Variants in POSTN observed in about 807,000 individuals in gnomAD.
POSTN encodes osteoblast specific factor 2 (fasciclin I-like).
Under a neutral mutation model 104.5 loss-of-function variants are expected in POSTN, and 71 were observed. The observed-to-expected ratio is 0.68, with a 90% confidence interval of 0.56 to 0.83. The LOEUF is 0.83. Among genes scored for constraint, POSTN ranks in the 40% least tolerant of loss-of-function variants. The pLI is 0.00. For synonymous variants in POSTN, 355 were observed against 340.7 expected, an observed-to-expected ratio of 1.04 and a Z score of -0.46; for missense variants, 949 against 1,006.8, an observed-to-expected ratio of 0.94 and a Z score of 0.78.
In POSTN at chr13:37,580,044, C is replaced by G. The variant is rs151268203; in HGVS notation, c.1530-53G>C. 16 of 1,525,102 alleles carry G rather than the reference C, an allele frequency of 1.0e-5. No individual in the cohort carries two copies. In the African/African-American group the frequency reaches 2.1e-4, roughly 20 times the overall value. The allele number at this position is 1,525,102 out of a possible 1,614,324, so 94.5% of individuals were successfully genotyped here. On this transcript the variant is annotated intron_variant, in intron 11 of 22. Transcript: ENST00000379747. ...TGTCAGATTTAGATTTAGGTATGTT[C>G]ACCTACAGTGCATGTAATAGAATAG...
In POSTN at chr13:37,586,845, A is replaced by T; in HGVS notation, c.690T>A (p.Leu230=). The change falls in exon 6 of 23, where the codon CTT becomes CTA. Residue 230 remains leucine (L), a synonymous_variant. Transcript: ENST00000379747. ...CTTGAATTGAGGTACCAATTTGTGT[A>T]AGCACACGGTCAATGACATGGACAA... The part of the protein sequence containing the change: ...NGVVHVIDRV[L]TQIGTSIQDF... 6.2e-7 allele frequency: 1 copy of T among 1,613,112 alleles called. No individual in the cohort carries two copies.
chr13:37,571,294 AAT>A, intron 18 of POSTN, 73 bp downstream of exon 18: 1 of 961,818 alleles, frequency 1.0e-6, no homozygotes, highest in South Asian at 1.6e-5. Flanking sequence ...TCAGATGTTC[AAT>A]ATTTCTAAAC....
At chr13:37,597,142 G>GT in intron 2 of POSTN, 42 bp downstream of exon 2, 1 of 1,351,096 alleles carries the variant, frequency 7.4e-7, no homozygotes, top group Non-Finnish European at 1.0e-6. Flanking sequence ...TCATGATGTT[G>GT]TTTTTGGAAC....
intron 18 of POSTN, 105 bp from the exon 19 acceptor site, chr13:37,570,774 C>A: frequency 1.4e-6 from 1 of 727,942 alleles, no homozygotes; most frequent in Admixed American, 2.4e-5. Context: ...CAAATATTAC[C>A]ATTTAAGATT....
At chr13:37,568,009 GA>G (rs397770497) in intron 21 of POSTN, among the ~76,000 whole-genome samples, 19 of 149,776 alleles carry the variant, frequency 1.3e-4, no homozygotes, top group Admixed American at 7.3e-4. Context: ...AGGACTGAAA[GA>G]AAAAAAAAAG....
intron 2 of POSTN, among the ~76,000 whole-genome samples, chr13:37,596,264 A>G (rs1480815396): frequency 2.0e-5 from 3 of 152,022 alleles, no homozygotes; most frequent in Non-Finnish European, 4.4e-5. Context: ...GTGGACTTCA[A>G]ATTAATAGGA....
At chr13:37,591,102 G>T (rs1950918203) in intron 3 of POSTN, among the ~76,000 whole-genome samples, 1 of 151,968 alleles carries the variant, frequency 6.6e-6, no homozygotes, top group Non-Finnish European at 1.5e-5. Context: ...AGAATCAATG[G>T]TTATTAAATT....
In POSTN at chr13:37,587,093, C is replaced by T. The variant is rs186000107; in HGVS notation, c.607-165G>A. 1.7e-3 allele frequency among the ~76,000 whole-genome samples: 259 copies of T among 152,038 alleles called. 1 individual carries two copies. Among genetic ancestry groups the T allele is most frequent in the Non-Finnish European group, 3.0e-3 (203 of 67,982 alleles). On this transcript the variant is annotated intron_variant, in intron 5 of 22. Coordinates refer to ENST00000379747, the MANE Select transcript of POSTN (RefSeq NM_006475.3). Reference sequence around the variant, plus strand: ...GATGAAGATTTACATGTTGTTATATCTAAAAAAGAAACTGTAAGAGAAAAG... The same window carrying T: ...GATGAAGATTTACATGTTGTTATATTTAAAAAAGAAACTGTAAGAGAAAAG...
At chr13:37,569,235 C>T (rs1283862467) in intron 21 of POSTN, 65 bp downstream of exon 21, 4 of 1,178,714 alleles carry the variant, frequency 3.4e-6, no homozygotes. Context: ...CTTGCTCAGT[C>T]TTTAAAAAGT....
intron 8 of POSTN, 114 bp from the exon 9 acceptor site, chr13:37,584,217 T>C: frequency 2.3e-6 from 3 of 1,322,934 alleles, no homozygotes; most frequent in Non-Finnish European, 2.1e-6. Context: ...TTTACTGCAA[T>C]GTCAGTGTGA....
intron 11 of POSTN, 60 bp downstream of exon 11, chr13:37,580,501 A>G: frequency 1.3e-6 from 2 of 1,598,656 alleles, no homozygotes; most frequent in African/African-American, 1.3e-5. Flanking sequence ...GATACCGCCT[A>G]TGAAACAAAA....
chr13:37,589,736 A>G (rs1950872419), intron 4 of POSTN, among the ~76,000 whole-genome samples: 1 of 152,182 alleles, frequency 6.6e-6, no homozygotes, highest in Non-Finnish European at 1.5e-5. Context: ...TATTATGTAT[A>G]TTTCACTCTA....
chr13:37,564,286 C>T (rs1950026895), intron 22 of POSTN, among the ~76,000 whole-genome samples: 1 of 141,088 alleles, frequency 7.1e-6, no homozygotes, highest in African/African-American at 2.6e-5. Context: ...TAGCAGTTTA[C>T]ATGAGTATGT....
chr13:37,577,610 C>A (rs903554783), intron 16 of POSTN, 143 bp downstream of exon 16: 1 of 1,357,576 alleles, frequency 7.4e-7, no homozygotes, highest in African/African-American at 1.5e-5. Context: ...GACCTCAATC[C>A]TTTTTTCAAG....
chr13:37,597,098 G>A (rs1400756965), intron 2 of POSTN, 86 bp downstream of exon 2: 14 of 812,230 alleles, frequency 1.7e-5, no homozygotes, highest in Non-Finnish European at 2.0e-5. Context: ...TTTTCAAGAA[G>A]AATGGTGTGT....
In POSTN at chr13:37,587,762, G is replaced by T. The variant is rs1181088530; in HGVS notation, c.606+60C>A. 4.7e-6 allele frequency: 6 copies of T among 1,285,046 alleles called. No homozygotes were observed. In the East Asian group the frequency reaches 1.2e-4, roughly 26 times the overall value. 79.6% of individuals were successfully genotyped at this position (1,285,046 alleles called of 1,614,324 possible). On this transcript the variant is annotated intron_variant, in intron 5 of 22. Coordinates refer to ENST00000379747, the MANE Select transcript of POSTN (RefSeq NM_006475.3). The stretch of plus-strand genomic sequence containing the variant: ...TATTTTTGTGAGCATTATATAAAAA[G>T]TATAGACAAAATTAAAGAAGGTATT...
intron 1 of POSTN, among the ~76,000 whole-genome samples, chr13:37,597,668 A>G (rs1453108645): frequency 2.6e-5 from 4 of 152,162 alleles, no homozygotes; most frequent in Admixed American, 2.6e-4. Context: ...CCATAACTTC[A>G]GGGCTCTCTG....
intron 21 of POSTN, chr13:37,568,690 T>G (rs914551015): frequency 1.3e-5 from 2 of 151,868 alleles, no homozygotes; most frequent in Non-Finnish European, 2.9e-5. Context: ...GAATTCTTTT[T>G]TTTTTGTTCT....
chr13:37,578,850 T>C lies in POSTN; in HGVS notation c.1956A>G (p.Gln652=), dbSNP rs760711875. 2 of 1,575,928 alleles carry C rather than the reference T, an allele frequency of 1.3e-6. No homozygotes were observed. Among genetic ancestry groups the C allele is most frequent in the Admixed American group, 2.0e-5 (1 of 49,706 alleles). The change falls in exon 15 of 23, where the codon CAA becomes CAG. Residue 652 remains glutamine (Q), a synonymous_variant. Transcript: ENST00000379747. ...EILNKLIKYI[Q]IKFVRGSTFK... ...ATCAAGTAACTTTTAGTACCTTAAT[T>C]TGGATGTATTTGATTAATTTATTAA... is the stretch of plus-strand genomic sequence containing the variant.
Sources: gnomAD v4.1 joint callset for allele counts (sites outside exome capture counted in the v4.1 genomes callset) on GRCh38, gnomAD v4.1.1 for gene constraint, MANE v1.5 for transcripts, NCBI Gene and HGNC (gene_info 2026-07-23, HGNC 2026-07-21) for gene names.